PDE8A: variants seen among roughly 807,000 people sequenced by gnomAD.
PDE8A encodes high affinity cAMP-specific and IBMX-insensitive 3',5'-cyclic phosphodiesterase 8A.
A neutral mutation model predicts 105.0 loss-of-function variants in PDE8A; 59 were observed. The observed-to-expected ratio is 0.56, with a 90% CI of 0.46 to 0.70. The LOEUF (loss-of-function observed/expected upper bound fraction) is 0.70, where lower values mean the gene tolerates loss of function less well. PDE8A is among the 30% of genes least tolerant of loss of function. PDE8A has a pLI of 0.00. For missense variants in PDE8A, 1,014 were observed against 1,045.9 expected (o/e 0.97, Z 0.42); for synonymous variants, 355 against 371.9 (o/e 0.95, Z 0.52).
At chr15:85,021,377 A>G (rs1263849799) in intron 1 of PDE8A, among the ~76,000 whole-genome samples, 1 of 152,094 alleles carries the variant, frequency 6.6e-6, no homozygotes, top group Non-Finnish European at 1.5e-5. Context: ...CCCCGTCTCT[A>G]AAGACAAATT....
In PDE8A at chr15:85,017,247, G is replaced by A. The variant is rs184486376; in HGVS notation, c.186+34899G>A. Among the ~76,000 whole-genome samples the A allele has an allele frequency of 1.0e-3, 145 of 140,148 alleles. 1 individual carries two copies. The highest frequency in any genetic ancestry group is 3.7e-3 in the African/African-American group (139 of 37,496). The allele number at this position is 140,148 out of a possible 152,430, so 91.9% of individuals were successfully genotyped here. A position where few individuals can be genotyped will look rare whatever the true frequency, so the allele number is the denominator to read the frequency against. On this transcript the variant is annotated intron_variant, in intron 1 of 21. Coordinates refer to ENST00000394553, the MANE Select transcript of PDE8A (RefSeq NM_002605.3). ...CTGCAGTCCGCAGTCCGGCCTGGGCGACAGAGCGAGACTCCAAAAAAAAAA... is the reference window on the plus strand; with the variant it reads ...CTGCAGTCCGCAGTCCGGCCTGGGCAACAGAGCGAGACTCCAAAAAAAAAA...
chr15:85,049,142 G>A (rs2080933018), intron 1 of PDE8A, among the ~76,000 whole-genome samples: 1 of 151,900 alleles, frequency 6.6e-6, no homozygotes, highest in Admixed American at 6.6e-5. Flanking sequence ...TGATTATACA[G>A]ACCAGATGTC....
chr15:85,050,548 C>T (rs1056694389), intron 1 of PDE8A, among the ~76,000 whole-genome samples: 2 of 152,092 alleles, frequency 1.3e-5, no homozygotes, highest in Admixed American at 6.5e-5. Context: ...CCAGTTTTCC[C>T]AGCACCATTT....
At chr15:85,091,289 C>A in intron 8 of PDE8A, 108 bp downstream of exon 8, 1 of 989,618 alleles carries the variant, frequency 1.0e-6, no homozygotes, top group South Asian at 2.4e-5. Context: ...CTCCCAGCAG[C>A]CCAGGGAAGT....
intron 1 of PDE8A, among the ~76,000 whole-genome samples, chr15:85,031,976 T>C (rs771609715): frequency 6.6e-6 from 1 of 152,222 alleles, no homozygotes; most frequent in Non-Finnish European, 1.5e-5. Context: ...TTTTGTTCCC[T>C]GGCACACACC....
intron 2 of PDE8A, among the ~76,000 whole-genome samples, chr15:85,065,869 C>T (rs2081217171): frequency 6.6e-6 from 1 of 152,262 alleles, no homozygotes; most frequent in South Asian, 2.1e-4. Context: ...GCCTCGCTTG[C>T]TCCAGGCCAG....
intron 7 of PDE8A, among the ~76,000 whole-genome samples, chr15:85,089,701 G>C (rs2081610429): frequency 6.6e-6 from 1 of 152,174 alleles, no homozygotes; most frequent in Non-Finnish European, 1.5e-5. Flanking sequence ...GAGACTCACT[G>C]AAAAGGATGA....
intron 1 of PDE8A, among the ~76,000 whole-genome samples, chr15:85,054,431 T>C (rs915198309): frequency 6.6e-6 from 1 of 152,228 alleles, no homozygotes; most frequent in Non-Finnish European, 1.5e-5. Context: ...AGAATTCAGC[T>C]GTGAATCCAT....
intron 14 of PDE8A, among the ~76,000 whole-genome samples, chr15:85,115,087 AG>A (rs1353472422): frequency 6.6e-6 from 1 of 152,200 alleles, no homozygotes; most frequent in Non-Finnish European, 1.5e-5. Flanking sequence ...GGCAGAGCAC[AG>A]TTGTCCCTAA....
intron 1 of PDE8A, among the ~76,000 whole-genome samples, chr15:85,012,776 G>A (rs969325790): frequency 6.4e-4 from 98 of 152,010 alleles, no homozygotes; most frequent in Non-Finnish European, 9.4e-4. Context: ...GTAGATTAGG[G>A]CTTTCTTTTT....
intron 1 of PDE8A, among the ~76,000 whole-genome samples, chr15:85,034,761 T>A (rs2080675263): frequency 6.6e-6 from 1 of 152,214 alleles, no homozygotes; most frequent in Non-Finnish European, 1.5e-5. Context: ...TTGCCTAGGC[T>A]GGTCTTGAAC....
At chr15:85,127,937 C>T (rs975076951) in intron 20 of PDE8A, among the ~76,000 whole-genome samples, 1 of 149,390 alleles carries the variant, frequency 6.7e-6, no homozygotes, top group Non-Finnish European at 1.5e-5. Context: ...ATAAAGATAA[C>T]AAGTACAACC....
intron 3 of PDE8A, among the ~76,000 whole-genome samples, chr15:85,071,952 T>G (rs2081317213): frequency 6.6e-6 from 1 of 152,194 alleles, no homozygotes; most frequent in Non-Finnish European, 1.5e-5. Context: ...CAGTATTTCT[T>G]GGTGCAACAG....
At chr15:85,100,595 G>T (rs117015856) in intron 11 of PDE8A, among the ~76,000 whole-genome samples, 2 of 152,186 alleles carry the variant, frequency 1.3e-5, no homozygotes, top group Non-Finnish European at 2.9e-5. Flanking sequence ...CAGGCCCCTC[G>T]CACTTGCCTC....
chr15:85,093,613 T>A (rs1354448045), intron 8 of PDE8A, among the ~76,000 whole-genome samples: 1 of 152,188 alleles, frequency 6.6e-6, no homozygotes, highest in East Asian at 1.9e-4. Flanking sequence ...GCAGGGAATA[T>A]TATAAACATT....
chr15:85,016,055 G>A (rs2080320013), intron 1 of PDE8A, among the ~76,000 whole-genome samples: 1 of 152,142 alleles, frequency 6.6e-6, no homozygotes, highest in Admixed American at 6.5e-5. Context: ...ACAATCACTT[G>A]AACCCGGGAA....
intron 8 of PDE8A, among the ~76,000 whole-genome samples, chr15:85,097,284 C>A (rs928308932): frequency 6.6e-6 from 1 of 152,188 alleles, no homozygotes. Context: ...GGTTCTCTTG[C>A]TGTGGTCTTG....
intron 1 of PDE8A, among the ~76,000 whole-genome samples, chr15:85,038,401 A>G (rs978134382): frequency 6.6e-6 from 1 of 152,174 alleles, no homozygotes; most frequent in South Asian, 2.1e-4. Context: ...TTAATTTTGA[A>G]ATCTAACTTA....
At chr15:85,136,398 G>A (rs928249128) in intron 20 of PDE8A, 136 bp from the exon 21 acceptor site, 12 of 789,336 alleles carry the variant, frequency 1.5e-5, no homozygotes, top group Admixed American at 4.6e-5. Context: ...GTTTGGCTGC[G>A]TGAGGTGGTG....
Sources: gnomAD v4.1 joint callset for allele counts (sites outside exome capture counted in the v4.1 genomes callset) on GRCh38, gnomAD v4.1.1 for gene constraint, MANE v1.5 for transcripts, NCBI Gene and HGNC (gene_info 2026-07-23, HGNC 2026-07-21) for gene names.